The following UNC13C variants were observed in gnomAD, a reference collection of about 807,000 sequenced individuals.
The protein encoded by UNC13C is unc-13 homolog C, also known as protein unc-13 homolog C.
Under a neutral mutation model 245.4 loss-of-function variants are expected in UNC13C, and 174 were observed. That is an observed-to-expected ratio of 0.71 (90% CI 0.63 to 0.80). The LOEUF (loss-of-function observed/expected upper bound fraction) is 0.80. Among genes scored for constraint, UNC13C ranks in the 30% least tolerant of loss-of-function variants. UNC13C has a pLI of 0.00. For missense variants in UNC13C, 2,829 were observed against 2,602.9 expected, an observed-to-expected ratio of 1.09 and a Z score of -1.89; for synonymous variants, 992 against 895.1, an observed-to-expected ratio of 1.11 and a Z score of -1.93.
At chr15:54,486,416 G>A (rs1408561580) in intron 19 of UNC13C, among the ~76,000 whole-genome samples, 1 of 150,282 alleles carries the variant, frequency 6.7e-6, no homozygotes, top group African/African-American at 2.5e-5. Flanking sequence ...TACAGCTAGG[G>A]TGACAGAGCA....
At chr15:54,030,695 G>A (rs917179349) in intron 2 of UNC13C, among the ~76,000 whole-genome samples, 2 of 152,178 alleles carry the variant, frequency 1.3e-5, no homozygotes, top group African/African-American at 4.8e-5. Context: ...AGGTTGGGAA[G>A]TTTAAGTCCC....
intron 2 of UNC13C, chr15:54,049,356 A>G: frequency 3.9e-6 from 2 of 510,744 alleles, no homozygotes; most frequent in Admixed American, 4.6e-5. Flanking sequence ...CAAGAAGAAA[A>G]TGTCTTTCTG....
chr15:54,045,512 G>T (rs551169726), intron 2 of UNC13C, among the ~76,000 whole-genome samples: 1 of 152,082 alleles, frequency 6.6e-6, no homozygotes, highest in Middle Eastern at 3.2e-3. Context: ...CTTAACTGGA[G>T]GTGGAATTAT....
At chr15:54,502,726 GGGTTAATATATTTA>G (rs138320724) in intron 22 of UNC13C, among the ~76,000 whole-genome samples, 15,797 of 151,976 alleles carry the variant, frequency 0.1, 1,010 homozygotes, top group African/African-American at 0.17. Context: ...AAAAATCTCA[GGGTTAATATATTTA>G]GGTTAATATA....
chr15:54,300,744 T>C (rs1293027507), intron 13 of UNC13C, among the ~76,000 whole-genome samples: 1 of 152,204 alleles, frequency 6.6e-6, no homozygotes, highest in Non-Finnish European at 1.5e-5. Context: ...TCATATACTT[T>C]AAAGTTTGAG....
At chr15:54,487,227 T>G (rs1388271038) in intron 19 of UNC13C, among the ~76,000 whole-genome samples, 1 of 152,180 alleles carries the variant, frequency 6.6e-6, no homozygotes, top group Non-Finnish European at 1.5e-5. Context: ...TGCTGAGGAA[T>G]TGTTTGTGAC....
intron 10 of UNC13C, among the ~76,000 whole-genome samples, chr15:54,280,351 C>T (rs1308036037): frequency 6.6e-6 from 1 of 151,700 alleles, no homozygotes; most frequent in Non-Finnish European, 1.5e-5. Flanking sequence ...ATGTACAATA[C>T]GATCCCATAT....
chr15:53,882,752 T>C, the UNC13C span, among the ~76,000 whole-genome samples: 1 of 152,214 alleles, frequency 6.6e-6, no homozygotes, highest in Non-Finnish European at 1.5e-5. Flanking sequence ...CGGATTGATA[T>C]AATCTCTACA....
At chr15:54,457,892 G>GTTTTTTTTTTTTTTT in intron 19 of UNC13C, among the ~76,000 whole-genome samples, 1 of 122,992 alleles carries the variant, frequency 8.1e-6, no homozygotes, top group Non-Finnish European at 1.6e-5. Context: ...TCTGCTTTTC[G>GTTTTTTTTTTTTTTT]TTTTTTTTTT....
At chr15:54,614,999 G>T (rs901396611) in intron 30 of UNC13C, among the ~76,000 whole-genome samples, 4 of 151,946 alleles carry the variant, frequency 2.6e-5, no homozygotes, top group African/African-American at 9.7e-5. Context: ...TGTTTCAGAT[G>T]CCCTTTATTG....
intron 4 of UNC13C, among the ~76,000 whole-genome samples, chr15:54,218,297 C>T (rs963395481): frequency 6.6e-6 from 1 of 152,074 alleles, no homozygotes; most frequent in Admixed American, 6.6e-5. Context: ...CCTCATTCCC[C>T]ATCTGTTTCC....
At chr15:54,558,190 C>T (rs1018390534) in intron 29 of UNC13C, among the ~76,000 whole-genome samples, 3 of 151,988 alleles carry the variant, frequency 2.0e-5, no homozygotes, top group African/African-American at 4.8e-5. Context: ...CAGCATGTCA[C>T]ATGTATACAT....
At chr15:54,598,260 T>C (rs1239361886) in intron 30 of UNC13C, among the ~76,000 whole-genome samples, 1 of 152,150 alleles carries the variant, frequency 6.6e-6, no homozygotes, top group Non-Finnish European at 1.5e-5. Flanking sequence ...ACCCGGCTAA[T>C]TTTTGTGTAT....
intron 4 of UNC13C, among the ~76,000 whole-genome samples, chr15:54,210,403 A>G (rs1053460962): frequency 6.6e-6 from 1 of 151,816 alleles, no homozygotes; most frequent in Non-Finnish European, 1.5e-5. Context: ...GTGTGGCACA[A>G]AATATTTATT....
chr15:53,979,438 A>G (rs995889795), intron 1 of UNC13C, among the ~76,000 whole-genome samples: 2 of 126,052 alleles, frequency 1.6e-5, no homozygotes. Context: ...CAGTTCTTCA[A>G]GAAGAAGATC....
intron 2 of UNC13C, among the ~76,000 whole-genome samples, chr15:54,091,301 C>A (rs1255363286): frequency 2.0e-5 from 3 of 152,146 alleles, no homozygotes; most frequent in African/African-American, 4.8e-5. Flanking sequence ...CAGCTAATAA[C>A]CTCTATTTTG....
chr15:53,894,104 G>A, the UNC13C span, among the ~76,000 whole-genome samples: 3 of 152,114 alleles, frequency 2.0e-5, no homozygotes, highest in Non-Finnish European at 2.9e-5. Context: ...AAAATTCCCC[G>A]ACACCTGTGC....
chr15:54,507,388 T>C (rs923327820), intron 23 of UNC13C, among the ~76,000 whole-genome samples, 194 bp downstream of exon 23: 2 of 151,988 alleles, frequency 1.3e-5, no homozygotes, highest in African/African-American at 4.8e-5. Flanking sequence ...AGGTAGAGAG[T>C]GTCTCAATGC....
intron 32 of UNC13C, among the ~76,000 whole-genome samples, chr15:54,625,735 C>A (rs540005075): frequency 2.6e-5 from 4 of 152,106 alleles, no homozygotes; most frequent in Admixed American, 2.0e-4. Flanking sequence ...CCTACTCTAT[C>A]AAAAGGGTCC....
Sources: gnomAD v4.1 joint callset for allele counts (sites outside exome capture counted in the v4.1 genomes callset) on GRCh38, gnomAD v4.1.1 for gene constraint, MANE v1.5 for transcripts, NCBI Gene and HGNC (gene_info 2026-07-23, HGNC 2026-07-21) for gene names.